The following TDRD7 variants were observed in gnomAD, a reference collection of about 807,000 sequenced individuals.
The protein encoded by TDRD7 is tudor domain-containing protein 7.
Under a neutral mutation model 109.8 loss-of-function variants are expected in TDRD7, and 47 were observed. That is an observed-to-expected ratio of 0.43 (90% CI 0.34 to 0.55). TDRD7 has a LOEUF of 0.55. Ranked by LOEUF, TDRD7 falls within the 20% of genes least tolerant of loss-of-function variation. The pLI is 0.03. For missense variants in TDRD7, 1,164 were observed against 1,319.2 expected (o/e 0.88, Z 1.82); for synonymous variants, 424 against 457.3 (o/e 0.93, Z 0.93).
intron 6 of TDRD7, among the ~76,000 whole-genome samples, chr9:97,444,346 C>T (rs1828362774): frequency 6.6e-6 from 1 of 152,212 alleles, no homozygotes; most frequent in Admixed American, 6.5e-5. Context: ...AAACACCAAT[C>T]ATATTGATGT....
chr9:97,487,113 T>C, intron 15 of TDRD7, 59 bp from the exon 16 acceptor site: 1 of 1,559,194 alleles, frequency 6.4e-7, no homozygotes, highest in Non-Finnish European at 8.8e-7. Flanking sequence ...TTTCTTGCCC[T>C]TAAAGCAGGT....
rs548313385 is a variant in TDRD7 at position 97,493,598 on chromosome 9, G to A, written c.3077-2065G>A. Among the ~76,000 whole-genome samples, 7 of 152,282 alleles carry A rather than the reference G, an allele frequency of 4.6e-5. No individual in the cohort carries two copies. In the South Asian group the frequency reaches 1.4e-3, roughly 32 times the overall value. On this transcript the variant is annotated intron_variant, in intron 16 of 16. Transcript: ENST00000355295. ...TTGATAACATCTTATCAGGAGACAG[G>A]GTTTGAGAGCAGACAACTGGTCTGA...
rs1564216612 is a variant in TDRD7 at position 97,487,161 on chromosome 9, T to TG, written c.2916-10dup. On this transcript the variant is annotated splice_polypyrimidine_tract_variant and intron_variant, in intron 15 of 16. Transcript: ENST00000355295. ...TGTTTTCTCTTCCTTTTTAATTTAATGTACATCTAGGTGGCACAGGGTGCT... is the reference window on the plus strand; with the variant it reads ...TGTTTTCTCTTCCTTTTTAATTTAATGGTACATCTAGGTGGCACAGGGTGCT... 1 of 1,613,878 alleles carries TG rather than the reference T, an allele frequency of 6.2e-7. No homozygotes were observed. Among genetic ancestry groups the TG allele is most frequent in the East Asian group, 2.2e-5 (1 of 44,878 alleles).
intron 1 of TDRD7, among the ~76,000 whole-genome samples, chr9:97,419,037 G>A (rs1025150534): frequency 6.6e-6 from 1 of 152,180 alleles, no homozygotes; most frequent in African/African-American, 2.4e-5. Flanking sequence ...CAGATATATT[G>A]AACAGTCTAA....
chr9:97,459,177 A>G (rs1417429949), intron 6 of TDRD7, among the ~76,000 whole-genome samples: 1 of 152,236 alleles, frequency 6.6e-6, no homozygotes, highest in African/African-American at 2.4e-5. Flanking sequence ...TCTGCAGGCC[A>G]AGAGCTGCAA....
chr9:97,461,748 G>C (rs1828728901), intron 7 of TDRD7, among the ~76,000 whole-genome samples: 1 of 152,190 alleles, frequency 6.6e-6, no homozygotes, highest in Admixed American at 6.5e-5. Flanking sequence ...GCCATGGCTG[G>C]GCAGATCAGA....
chr9:97,472,576 A>C, intron 10 of TDRD7, 81 bp downstream of exon 10: 1 of 1,174,124 alleles, frequency 8.5e-7, no homozygotes, highest in South Asian at 1.2e-5. Flanking sequence ...ATTTTAGGCT[A>C]ACAATTGATA....
intron 12 of TDRD7, among the ~76,000 whole-genome samples, chr9:97,478,052 GT>G (rs1011142649): frequency 6.6e-6 from 1 of 152,088 alleles, no homozygotes; most frequent in Admixed American, 6.5e-5. Context: ...GAGGTCAGGA[GT>G]TTGAGACCAG....
chr9:97,423,530 A>T lies in TDRD7; in HGVS notation c.-6-4930A>T, dbSNP rs528098975. ...GATCTGTTTCATCATTTCAGAATTG[A>T]TTTCTGCTCTCACCTTTATTTCCTT... On this transcript the variant is annotated intron_variant, in intron 1 of 16. Transcript: ENST00000355295. Among the ~76,000 whole-genome samples, 7 of 151,530 alleles carry T rather than the reference A, an allele frequency of 4.6e-5. No individual in the cohort carries two copies. In the South Asian group the frequency reaches 1.3e-3, roughly 27 times the overall value.
chr9:97,455,655 C>T (rs914036375), intron 6 of TDRD7, among the ~76,000 whole-genome samples: 7 of 152,078 alleles, frequency 4.6e-5, no homozygotes, highest in Admixed American at 2.0e-4. Context: ...GAATAAACTA[C>T]GTATTGATGG....
rs1289079474 is a variant in TDRD7 at position 97,460,355 on chromosome 9, G to A, written c.1033G>A (p.Val345Met). 1 of 1,614,172 alleles carries A rather than the reference G, an allele frequency of 6.2e-7. No individual in the cohort carries two copies. The highest frequency in any genetic ancestry group is 8.5e-7 in the Non-Finnish European group (1 of 1,180,038). Residue 345 changes from valine to methionine, a missense_variant, in exon 7 of 17, where the codon GTG becomes ATG. Val to Met is a conservative substitution (Grantham distance 21). Coordinates refer to ENST00000355295, the MANE Select transcript of TDRD7 (RefSeq NM_014290.3). ...TVMAGDFKEKVADLLVKYTSG... is the reference protein window; with the variant it reads ...TVMAGDFKEKMADLLVKYTSG... ...TATGGCAGGAGACTTTAAAGAAAAA[G>A]TGGCAGACCTGCTGGTGAAATACAC...
chr9:97,428,643 G>A lies in TDRD7; in HGVS notation c.178G>A (p.Val60Ile), dbSNP rs1219808074. Reference protein sequence around the residue: ...EAYLRSVPAVVRIETSRSGEI... With the variant: ...EAYLRSVPAVIRIETSRSGEI... Reference sequence around the variant, plus strand: ...CTATCTGAGAAGTGTGCCAGCAGTGGTCAGGATAGAGACTAGTAGATCTGG... The same window carrying A: ...CTATCTGAGAAGTGTGCCAGCAGTGATCAGGATAGAGACTAGTAGATCTGG... Residue 60 changes from valine (V) to isoleucine (I), a missense_variant, in exon 2 of 17, where the codon GTC becomes ATC. By Grantham distance (29) the Val-to-Ile change is conservative. Around this residue, in one of 5 missense-constraint regions of TDRD7, gnomAD observed 101 missense variants for 148.5 expected, o/e 0.68. Coordinates refer to ENST00000355295, the MANE Select transcript of TDRD7 (RefSeq NM_014290.3). 3 of 1,613,920 alleles carry A rather than the reference G, an allele frequency of 1.9e-6. No individual in the cohort carries two copies. Among genetic ancestry groups the A allele is most frequent in the Admixed American group, 1.7e-5 (1 of 60,006 alleles).
chr9:97,434,958 A>T (rs1828168183), intron 4 of TDRD7, among the ~76,000 whole-genome samples: 1 of 152,174 alleles, frequency 6.6e-6, no homozygotes, highest in South Asian at 2.1e-4. Flanking sequence ...ACATTCTTGA[A>T]ATTATAAAAT....
chr9:97,491,417 C>T (rs866827370), intron 16 of TDRD7, among the ~76,000 whole-genome samples: 5 of 152,208 alleles, frequency 3.3e-5, no homozygotes, highest in African/African-American at 1.2e-4. Flanking sequence ...CTTGCTCAGT[C>T]TCTTCAAACT....
chr9:97,489,764 T>C (rs1829269526), intron 16 of TDRD7, among the ~76,000 whole-genome samples: 1 of 152,226 alleles, frequency 6.6e-6, no homozygotes, highest in Admixed American at 6.5e-5. Context: ...GTTATTTTAA[T>C]TGAGCATTTT....
At chr9:97,425,179 G>C (rs1024772788) in intron 1 of TDRD7, among the ~76,000 whole-genome samples, 1 of 152,054 alleles carries the variant, frequency 6.6e-6, no homozygotes, top group Admixed American at 6.5e-5. Context: ...TTACATAGGT[G>C]TGTATATTTT....
At chr9:97,473,925 A>G (rs1295013606) in intron 11 of TDRD7, among the ~76,000 whole-genome samples, 1 of 152,222 alleles carries the variant, frequency 6.6e-6, no homozygotes, top group East Asian at 1.9e-4. Flanking sequence ...TGTGTTATTT[A>G]TAACATGCAG....
At chr9:97,430,790 A>G in intron 2 of TDRD7, 143 bp from the exon 3 acceptor site, 1 of 955,372 alleles carries the variant, frequency 1.0e-6, no homozygotes, top group Non-Finnish European at 1.7e-6. Flanking sequence ...TTCTAGCATT[A>G]TCAAGGAGCG....
chr9:97,462,135 A>G (rs948788382), intron 7 of TDRD7, among the ~76,000 whole-genome samples: 2 of 152,216 alleles, frequency 1.3e-5, no homozygotes, highest in Non-Finnish European at 2.9e-5. Context: ...ATTGAAGGCC[A>G]CATTACCACC....
Sources: gnomAD v4.1 joint callset for allele counts (sites outside exome capture counted in the v4.1 genomes callset) on GRCh38, gnomAD v4.1.1 for gene constraint, gnomAD v4.1.1 regional missense constraint, MANE v1.5 for transcripts, NCBI Gene and HGNC (gene_info 2026-07-23, HGNC 2026-07-21) for gene names.